Variants in FGF12 observed in about 807,000 individuals in gnomAD.
FGF12 encodes fibroblast growth factor 12, also known as fibroblast growth factor 12B.
In FGF12, 14 loss-of-function variants were observed where a neutral mutation model predicts 23.6. The ratio of observed to expected loss-of-function variants is 0.59; its 90% CI spans 0.39 to 0.93. The LOEUF (loss-of-function observed/expected upper bound fraction) is 0.93. Ranked by LOEUF, FGF12 falls within the 40% of genes least tolerant of loss-of-function variation. The pLI, the probability that FGF12 is intolerant of heterozygous loss-of-function variation, is 0.00. For missense variants in FGF12, 175 were observed against 217.8 expected, an observed-to-expected ratio of 0.80 and a Z score of 1.24; for synonymous variants, 62 against 77.3, an observed-to-expected ratio of 0.80 and a Z score of 1.04.
At position 192,339,026 on chromosome 3, in the gene FGF12, T is replaced by G. The variant is rs75295957; in HGVS notation, c.125-3562A>C. On this transcript the variant is annotated intron_variant, in intron 3 of 5. Coordinates refer to ENST00000445105, the MANE Select transcript of FGF12 (RefSeq NM_004113.6). ...TGGAATGAGAGAAAACTGATAATGC[T>G]AGGCAGGGACAAAAACAAGAAACCT... 9.1e-3 allele frequency among the ~76,000 whole-genome samples: 1,390 copies of G among 152,264 alleles called. 20 individuals are homozygous for G. The highest frequency in any genetic ancestry group is 0.031 in the African/African-American group (1,302 of 41,568).
chr3:192,199,266 A>G (rs993178242), intron 4 of FGF12, among the ~76,000 whole-genome samples: 1 of 152,230 alleles, frequency 6.6e-6, no homozygotes, highest in Non-Finnish European at 1.5e-5. Flanking sequence ...ATGCTAACAA[A>G]ATTGAAAAGG....
intron 2 of FGF12, among the ~76,000 whole-genome samples, chr3:192,489,296 A>G (rs1402858999): frequency 6.6e-6 from 1 of 152,076 alleles, no homozygotes; most frequent in Non-Finnish European, 1.5e-5. Flanking sequence ...TTTTCCCTAT[A>G]CAAATTTCCA....
At chr3:192,354,723 C>T (rs549066715) in intron 3 of FGF12, among the ~76,000 whole-genome samples, 67 of 152,116 alleles carry the variant, frequency 4.4e-4, no homozygotes, top group African/African-American at 1.5e-3. Flanking sequence ...TTTTAGTTTT[C>T]GAGACAGAGT....
At chr3:192,312,168 A>T (rs147604352) in intron 4 of FGF12, among the ~76,000 whole-genome samples, 10 of 152,252 alleles carry the variant, frequency 6.6e-5, no homozygotes, top group African/African-American at 2.2e-4. Flanking sequence ...AATTATGATG[A>T]AATTCAACAT....
intron 2 of FGF12, among the ~76,000 whole-genome samples, chr3:192,475,353 C>T (rs1428671814): frequency 6.6e-6 from 1 of 152,084 alleles, no homozygotes; most frequent in Non-Finnish European, 1.5e-5. Context: ...AGACCTTTCC[C>T]CCTTAATCTA....
intron 2 of FGF12, among the ~76,000 whole-genome samples, chr3:192,570,432 A>G (rs540948143): frequency 1.1e-5 from 1 of 91,612 alleles, no homozygotes; most frequent in South Asian, 4.4e-4. Flanking sequence ...TGCCAAAGAG[A>G]AAAAAAGAGA....
chr3:192,614,069 C>G (rs1714656363), intron 2 of FGF12, among the ~76,000 whole-genome samples: 1 of 151,946 alleles, frequency 6.6e-6, no homozygotes, highest in Non-Finnish European at 1.5e-5. Context: ...TGTTATTCAT[C>G]TCTCCTGAAC....
intron 2 of FGF12, among the ~76,000 whole-genome samples, chr3:192,567,302 G>A (rs1712340026): frequency 1.3e-5 from 2 of 152,042 alleles, no homozygotes; most frequent in African/African-American, 4.8e-5. Flanking sequence ...ATAGAACTGG[G>A]AATTTTTTAA....
intron 2 of FGF12, among the ~76,000 whole-genome samples, chr3:192,477,432 T>G (rs1404009819): frequency 6.6e-6 from 1 of 152,190 alleles, no homozygotes; most frequent in African/African-American, 2.4e-5. Context: ...AGAAAAATTC[T>G]ATTGCAGTAT....
intron 4 of FGF12, among the ~76,000 whole-genome samples, chr3:192,305,683 T>A (rs929750849): frequency 5.0e-4 from 67 of 134,476 alleles, no homozygotes; most frequent in Admixed American, 6.0e-4. Context: ...AAAAAAAATA[T>A]ATATATATAT....
chr3:192,442,853 G>A (rs983155594), intron 2 of FGF12, among the ~76,000 whole-genome samples: 17 of 150,650 alleles, frequency 1.1e-4, no homozygotes, highest in African/African-American at 3.9e-4. Flanking sequence ...TGTCACCCAG[G>A]ATGGAGTGCA....
chr3:192,382,060 G>A (rs1025737790), intron 2 of FGF12, among the ~76,000 whole-genome samples: 6 of 151,334 alleles, frequency 4.0e-5, no homozygotes, highest in African/African-American at 1.2e-4. Flanking sequence ...GCAGTGCTGC[G>A]ATCTCAGCCC....
intron 2 of FGF12, among the ~76,000 whole-genome samples, chr3:192,389,180 C>A (rs758701806): frequency 1.3e-5 from 2 of 152,032 alleles, no homozygotes; most frequent in Non-Finnish European, 2.9e-5. Context: ...GGCAACATGG[C>A]GAAACCCCAT....
chr3:192,716,124 CAACA>C (rs1170253322), intron 2 of FGF12, among the ~76,000 whole-genome samples: 1 of 151,732 alleles, frequency 6.6e-6, no homozygotes, highest in Non-Finnish European at 1.5e-5. Context: ...CTAGCAGCAT[CAACA>C]CCTTCTGGGA....
At position 192,398,383 on chromosome 3, in the gene FGF12, TTTC is replaced by T. The variant is rs1720616478; in HGVS notation, c.14-37848_14-37846del. Among the ~76,000 whole-genome samples the T allele has an allele frequency of 4.1e-5, 6 of 147,164 alleles. No individual in the cohort carries two copies. In the Admixed American group the frequency reaches 4.1e-4, roughly 10 times the overall value. On this transcript the variant is annotated intron_variant, in intron 2 of 5. Coordinates refer to ENST00000445105, the MANE Select transcript of FGF12 (RefSeq NM_004113.6). ...CTAAAGAGGCCCTTATATTTTCTTT[TTTC>T]TTTTTTTTTTTTTTTCTGAGACAGA...
intron 4 of FGF12, among the ~76,000 whole-genome samples, chr3:192,189,970 T>C (rs905319620): frequency 6.6e-6 from 1 of 152,166 alleles, no homozygotes; most frequent in African/African-American, 2.4e-5. Flanking sequence ...GGGGAGACTA[T>C]GTGAAACATA....
Position 192,557,679 on chromosome 3 carries a change from A to T in FGF12, c.13+169502T>A, listed in dbSNP as rs1334687554. Among the ~76,000 whole-genome samples the T allele has an allele frequency of 5.5e-5, 8 of 145,684 alleles. No individual in the cohort carries two copies. The East Asian group carries it at 1.5e-3, about 28-fold the overall frequency. On this transcript the variant is annotated intron_variant, in intron 2 of 5. Transcript: ENST00000445105. ...TAAAAATTCTCAACAAAATGCTAGC[A>T]AACCAAATTCAACAGCACACTGAAA...
At chr3:192,585,111 T>C (rs1349154890) in intron 2 of FGF12, among the ~76,000 whole-genome samples, 2 of 152,178 alleles carry the variant, frequency 1.3e-5, no homozygotes, top group African/African-American at 4.8e-5. Flanking sequence ...AATAAAGTAA[T>C]GTGGCAATAG....
chr3:192,630,706 C>G lies in FGF12; in HGVS notation c.13+96475G>C, dbSNP rs535492433. The stretch of plus-strand genomic sequence containing the variant: ...TAGCTGGGACTACAGGCGCCCGCCA[C>G]CACGCCCGGCTAATTTTTTTTTTTT... On this transcript the variant is annotated intron_variant, in intron 2 of 5. Coordinates refer to ENST00000445105, the MANE Select transcript of FGF12 (RefSeq NM_004113.6). Among the ~76,000 whole-genome samples the G allele has an allele frequency of 3.4e-3, 498 of 146,198 alleles. 4 individuals are homozygous for G. The South Asian group carries it at 0.037, about 11-fold the overall frequency.
Sources: allele counts gnomAD v4.1 joint callset (sites outside exome capture counted in the v4.1 genomes callset), GRCh38; gene constraint gnomAD v4.1.1; transcripts MANE v1.5; gene names NCBI Gene and HGNC (gene_info 2026-07-23, HGNC 2026-07-21).